The following MAP2 variants were observed in gnomAD, a reference collection of about 807,000 sequenced individuals.
The protein encoded by MAP2 is microtubule associated protein 2.
Under a neutral mutation model 137.6 loss-of-function variants are expected in MAP2, and 14 were observed. That is an observed-to-expected ratio of 0.10 (90% CI 0.07 to 0.16). The LOEUF is 0.16. MAP2 is among the 10% of genes least tolerant of loss of function. The probability of loss-of-function intolerance (pLI) is 1.00; values close to 1 mark genes in which losing one functional copy is unlikely to be tolerated. For missense variants in MAP2, 2,088 were observed against 2,191.5 expected (o/e 0.95, Z 0.94); for synonymous variants, 786 against 782.3 (o/e 1.00, Z -0.08).
chr2:209,679,478 A>G (rs900176314), intron 6 of MAP2, among the ~76,000 whole-genome samples: 1 of 152,024 alleles, frequency 6.6e-6, no homozygotes, highest in Non-Finnish European at 1.5e-5. Flanking sequence ...TTCAATATAT[A>G]TATTTATTTC....
At chr2:209,624,252 C>T (rs1198746729) in intron 3 of MAP2, among the ~76,000 whole-genome samples, 1 of 152,110 alleles carries the variant, frequency 6.6e-6, no homozygotes, top group Non-Finnish European at 1.5e-5. Flanking sequence ...GGAGTAAAAT[C>T]ACACAGGTCC....
chr2:209,460,079 A>G (rs1004692644), intron 1 of MAP2, among the ~76,000 whole-genome samples: 8 of 152,216 alleles, frequency 5.3e-5, no homozygotes, highest in African/African-American at 1.9e-4. Flanking sequence ...AACTCAGCAC[A>G]TAAATTATTC....
chr2:209,584,721 A>G (rs1055626498), intron 3 of MAP2, among the ~76,000 whole-genome samples: 1 of 152,160 alleles, frequency 6.6e-6, no homozygotes, highest in Admixed American at 6.6e-5. Flanking sequence ...GGGAAAAACA[A>G]AAGTCCAAAG....
intron 1 of MAP2, among the ~76,000 whole-genome samples, chr2:209,504,680 A>G (rs2060815733): frequency 6.6e-6 from 1 of 152,212 alleles, no homozygotes; most frequent in Non-Finnish European, 1.5e-5. Context: ...GTAAAATTTA[A>G]CATTTTAACC....
chr2:209,443,078 A>T (rs1253060761), intron 1 of MAP2, among the ~76,000 whole-genome samples: 1 of 151,636 alleles, frequency 6.6e-6, no homozygotes, highest in Non-Finnish European at 1.5e-5. Flanking sequence ...TTAATATAGC[A>T]TATAAAACCA....
chr2:209,707,343 T>C (rs1189700413), intron 12 of MAP2, among the ~76,000 whole-genome samples: 2 of 152,160 alleles, frequency 1.3e-5, no homozygotes, highest in Non-Finnish European at 2.9e-5. Flanking sequence ...CATTGATAAT[T>C]TTAAAACATA....
At chr2:209,724,046 C>T (rs2153809533) in intron 13 of MAP2, among the ~76,000 whole-genome samples, 1 of 152,264 alleles carries the variant, frequency 6.6e-6, no homozygotes, top group South Asian at 2.1e-4. Flanking sequence ...GTCAGCTGGG[C>T]ACATATTTTT....
rs140507293 is a variant in MAP2, at chr2:209,647,916, A to G, written c.-29-5226A>G. ...AATTGTTTAACAACTAAGGTAGCAAACATCAAAGCTCACCACTCAGATTCA... is the reference window on the plus strand; with the variant it reads ...AATTGTTTAACAACTAAGGTAGCAAGCATCAAAGCTCACCACTCAGATTCA... On this transcript the variant is annotated intron_variant, in intron 4 of 15. Coordinates refer to ENST00000682079, the MANE Select transcript of MAP2 (RefSeq NM_001375505.1). 7.8e-3 allele frequency among the ~76,000 whole-genome samples: 1,188 copies of G among 152,276 alleles called. 17 individuals carry two copies. Among genetic ancestry groups the G allele is most frequent in the African/African-American group, 0.027 (1,105 of 41,544 alleles).
rs758400405 is a variant in MAP2, at chr2:209,694,610, G to A, written c.2440G>A (p.Gly814Ser). Reference sequence around the variant, plus strand: ...CCTTCCTGAAATGCTAGATCTGGCAGGCACAAGGTCAAGATTGGCTTCTGT... The same window carrying A: ...CCTTCCTGAAATGCTAGATCTGGCAAGCACAAGGTCAAGATTGGCTTCTGT... ...PDLPEMLDLA[G>S]TRSRLASVSA... is the part of the protein sequence containing the mutation. The change falls in exon 8 of 16, where the codon GGC (glycine) becomes AGC (serine). Residue 814 changes from glycine (G) to serine (S), a missense_variant. Physicochemically the swap from Gly to Ser is moderately conservative, Grantham distance 56. Around this residue, in one of 6 missense-constraint regions of MAP2, gnomAD observed 500 missense variants for 482.9 expected, o/e 1.04. Transcript: ENST00000682079. 3.5e-5 allele frequency: 56 copies of A among 1,614,094 alleles called. 1 individual carries two copies. The South Asian group carries it at 6.0e-4, about 17-fold the overall frequency.
At chr2:209,565,241 A>C (rs1404906642) in intron 2 of MAP2, among the ~76,000 whole-genome samples, 1 of 152,170 alleles carries the variant, frequency 6.6e-6, no homozygotes, top group Non-Finnish European at 1.5e-5. Flanking sequence ...TTTTTGAGAC[A>C]GGAACTTGCT....
intron 1 of MAP2, among the ~76,000 whole-genome samples, chr2:209,429,805 A>G (rs528093497): frequency 4.8e-4 from 73 of 152,226 alleles, no homozygotes; most frequent in Non-Finnish European, 9.3e-4. Flanking sequence ...CATTACAACA[A>G]TTTAAAAGTA....
chr2:209,583,197 T>TCTGTCTATC (rs2076936124), intron 3 of MAP2, among the ~76,000 whole-genome samples: 2 of 130,870 alleles, frequency 1.5e-5, no homozygotes, highest in African/African-American at 5.7e-5. Context: ...GTCTATCCTA[T>TCTGTCTATC]CTATCTATTT....
At chr2:209,565,177 A>T (rs1406249126) in intron 2 of MAP2, among the ~76,000 whole-genome samples, 2 of 152,158 alleles carry the variant, frequency 1.3e-5, no homozygotes, top group Non-Finnish European at 2.9e-5. Flanking sequence ...TGCCTGGATA[A>T]CATGTATTAG....
rs1311461413 is a variant in MAP2, at chr2:209,715,408, A to AT, written c.5073+5155dup. 1.2e-4 allele frequency among the ~76,000 whole-genome samples: 18 copies of AT among 152,264 alleles called. No homozygotes were observed. In the East Asian group the frequency reaches 1.7e-3, roughly 15 times the overall value. ...ATATTTATTGAGCACCTACTACACCATGCTATGTTCTACATACTGAAATAT... is the reference window on the plus strand; with the variant it reads ...ATATTTATTGAGCACCTACTACACCATTGCTATGTTCTACATACTGAAATAT... On this transcript the variant is annotated intron_variant, in intron 13 of 15. Coordinates refer to ENST00000682079, the MANE Select transcript of MAP2 (RefSeq NM_001375505.1).
At chr2:209,443,216 GT>G (rs143329860) in intron 1 of MAP2, among the ~76,000 whole-genome samples, 34,905 of 146,228 alleles carry the variant, frequency 0.24, 4,770 homozygotes, top group Non-Finnish European at 0.32. Context: ...CCCATTATAG[GT>G]TTTTTTTTTT....
intron 4 of MAP2, among the ~76,000 whole-genome samples, chr2:209,648,621 C>CAAAAAAAAAA (rs1228232293): frequency 3.6e-3 from 181 of 50,040 alleles, no homozygotes; most frequent in East Asian, 5.9e-3. Flanking sequence ...ACTAAAAATA[C>CAAAAAAAAAA]AAAAAAAAAA....
chr2:209,643,019 C>G (rs1418418024), intron 4 of MAP2, among the ~76,000 whole-genome samples: 2 of 152,188 alleles, frequency 1.3e-5, no homozygotes, highest in African/African-American at 4.8e-5. Context: ...TATTACACAA[C>G]TGGTCATTTT....
chr2:209,612,321 T>C (rs1448585608), intron 3 of MAP2, among the ~76,000 whole-genome samples: 1 of 152,234 alleles, frequency 6.6e-6, no homozygotes, highest in South Asian at 2.1e-4. Context: ...GTTATAATTT[T>C]GAAATGTTTG....
At chr2:209,508,678 G>A (rs533515600) in intron 2 of MAP2, among the ~76,000 whole-genome samples, 1 of 150,976 alleles carries the variant, frequency 6.6e-6, no homozygotes, top group Non-Finnish European at 1.5e-5. Flanking sequence ...TTCGAAATCT[G>A]TATCGAATGA....
Sources: gnomAD v4.1 joint callset for allele counts (sites outside exome capture counted in the v4.1 genomes callset) on GRCh38, gnomAD v4.1.1 for gene constraint, gnomAD v4.1.1 regional missense constraint, MANE v1.5 for transcripts, NCBI Gene and HGNC (gene_info 2026-07-23, HGNC 2026-07-21) for gene names.